The following CACNA1D variants were observed in gnomAD, a reference collection of about 807,000 sequenced individuals.
The protein encoded by CACNA1D is voltage-dependent L-type calcium channel subunit alpha-1D.
In CACNA1D, 55 loss-of-function variants were observed where a neutral mutation model predicts 257.1. The ratio of observed to expected loss-of-function variants is 0.21; its 90% CI spans 0.17 to 0.27. The LOEUF (loss-of-function observed/expected upper bound fraction) is 0.27, where lower values mean the gene tolerates loss of function less well. CACNA1D is among the 10% of genes least tolerant of loss of function. The pLI, the probability that CACNA1D is intolerant of heterozygous loss-of-function variation, is 1.00. For synonymous variants in CACNA1D, 980 were observed against 1,014.9 expected (o/e 0.97, Z 0.65); for missense variants, 1,876 against 2,784.0 (o/e 0.67, Z 7.34).
chr3:53,637,128 C>A (rs995614608), intron 3 of CACNA1D, among the ~76,000 whole-genome samples: 1 of 152,048 alleles, frequency 6.6e-6, no homozygotes, highest in Non-Finnish European at 1.5e-5. Flanking sequence ...GGGAAAAGCT[C>A]ACACAAATCA....
intron 3 of CACNA1D, among the ~76,000 whole-genome samples, chr3:53,565,343 C>G (rs1025773574): frequency 2.0e-5 from 3 of 152,168 alleles, no homozygotes; most frequent in Non-Finnish European, 4.4e-5. Context: ...CACACACACA[C>G]ACACGTACAC....
chr3:53,796,881 T>C (rs1298746260), intron 40 of CACNA1D, among the ~76,000 whole-genome samples: 1 of 152,236 alleles, frequency 6.6e-6, no homozygotes, highest in Non-Finnish European at 1.5e-5. Context: ...TTATAGCAAC[T>C]CTGTGTTTCT....
intron 40 of CACNA1D, among the ~76,000 whole-genome samples, chr3:53,796,785 T>C (rs752515040): frequency 2.0e-5 from 3 of 152,230 alleles, no homozygotes; most frequent in Non-Finnish European, 4.4e-5. Context: ...CATCTAGCAT[T>C]TTAAAATCAA....
intron 3 of CACNA1D, among the ~76,000 whole-genome samples, chr3:53,641,248 A>G (rs1157613760): frequency 6.6e-6 from 1 of 152,070 alleles, no homozygotes; most frequent in Non-Finnish European, 1.5e-5. Context: ...AGATGGAGGA[A>G]TTTAGATGTG....
intron 44 of CACNA1D, among the ~76,000 whole-genome samples, chr3:53,804,272 C>G (rs1413712501): frequency 2.0e-5 from 3 of 152,198 alleles, no homozygotes; most frequent in African/African-American, 7.2e-5. Flanking sequence ...CCCTCACCCT[C>G]TGCTCCCGCA....
chr3:53,726,037 G>A (rs991948425), intron 14 of CACNA1D, among the ~76,000 whole-genome samples: 4 of 152,110 alleles, frequency 2.6e-5, no homozygotes, highest in Admixed American at 6.5e-5. Flanking sequence ...TAATTTCATA[G>A]GTATAATTAT....
intron 3 of CACNA1D, among the ~76,000 whole-genome samples, chr3:53,520,860 TTCTTTC>T (rs1384448787): frequency 1.3e-5 from 1 of 75,492 alleles, no homozygotes; most frequent in Non-Finnish European, 2.4e-5. Context: ...CTTTCTTTCT[TTCTTTC>T]TTTCTTTCTT....
chr3:53,604,928 G>T (rs1273287922), intron 3 of CACNA1D, among the ~76,000 whole-genome samples: 1 of 152,174 alleles, frequency 6.6e-6, no homozygotes. Flanking sequence ...TCCGTAGTGG[G>T]TTCTCACTGT....
intron 34 of CACNA1D, 25 bp from the exon 35 acceptor site, chr3:53,775,860 GC>G (rs1404819621): frequency 3.1e-6 from 5 of 1,612,488 alleles, no homozygotes; most frequent in Non-Finnish European, 2.5e-6. Flanking sequence ...CCCCACTAAA[GC>G]CCCTTTGTTC....
At chr3:53,678,115 A>G (rs1406600902) in intron 8 of CACNA1D, among the ~76,000 whole-genome samples, 1 of 152,220 alleles carries the variant, frequency 6.6e-6, no homozygotes, top group Non-Finnish European at 1.5e-5. Context: ...GAAAAGCCCA[A>G]GTTATATTTT....
At chr3:53,613,370 T>C (rs1425362929) in intron 3 of CACNA1D, among the ~76,000 whole-genome samples, 2 of 152,124 alleles carry the variant, frequency 1.3e-5, no homozygotes, top group African/African-American at 2.4e-5. Flanking sequence ...ACTTCCTGCT[T>C]CTCAGTAATG....
chr3:53,657,774 C>G (rs1407759193), intron 4 of CACNA1D, among the ~76,000 whole-genome samples: 2 of 152,224 alleles, frequency 1.3e-5, no homozygotes, highest in African/African-American at 4.8e-5. Context: ...TCTCAATCCA[C>G]TGGATTTTTC....
chr3:53,677,258 A>G (rs1340610460), intron 8 of CACNA1D, among the ~76,000 whole-genome samples: 1 of 152,134 alleles, frequency 6.6e-6, no homozygotes, highest in Non-Finnish European at 1.5e-5. Context: ...CTAGGCTCCC[A>G]GGATGTGGCT....
chr3:53,681,747 G>C (rs762958024), intron 8 of CACNA1D, among the ~76,000 whole-genome samples: 1 of 152,226 alleles, frequency 6.6e-6, no homozygotes, highest in Non-Finnish European at 1.5e-5. Flanking sequence ...TGAAAGAAAG[G>C]TTCATGTGCT....
intron 3 of CACNA1D, among the ~76,000 whole-genome samples, chr3:53,540,203 C>T (rs879523599): frequency 6.6e-6 from 1 of 151,984 alleles, no homozygotes; most frequent in Non-Finnish European, 1.5e-5. Context: ...ACTGTAACCT[C>T]TACCTCCCAG....
intron 3 of CACNA1D, among the ~76,000 whole-genome samples, chr3:53,647,401 A>G (rs550664473): frequency 2.8e-4 from 43 of 152,278 alleles, no homozygotes; most frequent in African/African-American, 9.6e-4. Flanking sequence ...CATTTCATGT[A>G]TGGTTCTAGA....
intron 3 of CACNA1D, among the ~76,000 whole-genome samples, chr3:53,523,914 G>A (rs550449159): frequency 7.7e-4 from 117 of 152,354 alleles, no homozygotes; most frequent in African/African-American, 2.6e-3. Flanking sequence ...AGAGCCTTGA[G>A]GGCAAGGACA....
In CACNA1D at chr3:53,747,459, G is replaced by C. The variant is rs763947497; in HGVS notation, c.3314+11G>C. ...TGAGGGCTGGCCTGCGTAAGTACAG[G>C]GAGCACACAGTCTTCTGGAGAGGCA... On this transcript the variant is annotated intron_variant, in intron 26 of 47. Transcript: ENST00000350061. 1 of 1,613,896 alleles carries C rather than the reference G, an allele frequency of 6.2e-7. No individual in the cohort carries two copies. The highest frequency in any genetic ancestry group is 1.3e-5 in the African/African-American group (1 of 74,946).
rs143117764 is a variant in CACNA1D at position 53,569,366 on chromosome 3, C to T, written c.483+67646C>T. ...ACCACTGCTCACTGGCTTAGGCGTA[C>T]GTGTTGGCCAGGGGTTGTCATCTCT... On this transcript the variant is annotated intron_variant, in intron 3 of 47. Coordinates refer to ENST00000350061, the MANE Select transcript of CACNA1D (RefSeq NM_001128840.3). 2.5e-3 allele frequency among the ~76,000 whole-genome samples: 375 copies of T among 152,346 alleles called. 3 individuals carry two copies. The highest frequency in any genetic ancestry group is 8.4e-3 in the African/African-American group (351 of 41,580).
Sources: allele counts gnomAD v4.1 joint callset (sites outside exome capture counted in the v4.1 genomes callset), GRCh38; gene constraint gnomAD v4.1.1; transcripts MANE v1.5; gene names NCBI Gene and HGNC (gene_info 2026-07-23, HGNC 2026-07-21).